KCND2: variants seen among roughly 807,000 people sequenced by gnomAD.
KCND2 encodes the protein A-type voltage-gated potassium channel KCND2.
KCND2 carries 16 observed loss-of-function variants against 54.4 expected under a neutral mutation model. That is an observed-to-expected ratio of 0.29 (90% CI 0.20 to 0.45). KCND2 has a LOEUF of 0.45. KCND2 is among the 20% of genes least tolerant of loss of function. KCND2 has a pLI of 1.00. For synonymous variants in KCND2, 317 were observed against 310.7 expected (o/e 1.02, Z -0.21); for missense variants, 486 against 824.2 (o/e 0.59, Z 5.02).
intron 1 of KCND2, among the ~76,000 whole-genome samples, chr7:120,525,452 A>G (rs909803790): frequency 6.6e-6 from 1 of 152,168 alleles, no homozygotes; most frequent in Non-Finnish European, 1.5e-5. Flanking sequence ...TCAGAATGCT[A>G]TGGCTGTGTA....
chr7:120,323,553 G>T (rs910603629), intron 1 of KCND2, among the ~76,000 whole-genome samples: 1 of 150,406 alleles, frequency 6.6e-6, no homozygotes, highest in South Asian at 2.1e-4. Context: ...GTGGTGTTTG[G>T]TTTTTTGTCC....
intron 1 of KCND2, among the ~76,000 whole-genome samples, chr7:120,667,086 T>A (rs746589514): frequency 1.3e-5 from 2 of 152,172 alleles, no homozygotes; most frequent in Admixed American, 6.5e-5. Context: ...TGAACTTCAA[T>A]CAACAATCAC....
chr7:120,465,046 G>A (rs954213575), intron 1 of KCND2, among the ~76,000 whole-genome samples: 1 of 152,034 alleles, frequency 6.6e-6, no homozygotes, highest in African/African-American at 2.4e-5. Flanking sequence ...TAACACCAGC[G>A]GCAAAGGTCA....
At chr7:120,378,457 G>A (rs1351491039) in intron 1 of KCND2, among the ~76,000 whole-genome samples, 2 of 151,864 alleles carry the variant, frequency 1.3e-5, no homozygotes, top group Non-Finnish European at 2.9e-5. Context: ...AATATTTGGT[G>A]GGAGTTAGGA....
At chr7:120,509,649 T>A (rs2116329185) in intron 1 of KCND2, among the ~76,000 whole-genome samples, 1 of 152,164 alleles carries the variant, frequency 6.6e-6, no homozygotes, top group East Asian at 1.9e-4. Flanking sequence ...TTTATTTTAT[T>A]TGTACATGGA....
At chr7:120,646,424 G>A (rs1019924124) in intron 1 of KCND2, among the ~76,000 whole-genome samples, 2 of 152,050 alleles carry the variant, frequency 1.3e-5, no homozygotes, top group African/African-American at 2.4e-5. Flanking sequence ...TTCTGTTAGT[G>A]ATTTTATTGA....
At chr7:120,733,636 C>A (rs149780243) in intron 2 of KCND2, among the ~76,000 whole-genome samples, 1 of 152,072 alleles carries the variant, frequency 6.6e-6, no homozygotes, top group Admixed American at 6.6e-5. Context: ...TTCCAGTAGA[C>A]GAGGGTTATT....
intron 1 of KCND2, among the ~76,000 whole-genome samples, chr7:120,580,497 C>G (rs1003841051): frequency 1.3e-5 from 2 of 152,120 alleles, no homozygotes; most frequent in African/African-American, 4.8e-5. Flanking sequence ...ACTGGCAGAA[C>G]CCACCAATCA....
chr7:120,590,230 G>A (rs188657463), intron 1 of KCND2, among the ~76,000 whole-genome samples: 8 of 152,166 alleles, frequency 5.3e-5, no homozygotes, highest in Non-Finnish European at 1.0e-4. Flanking sequence ...TATTGGCCCC[G>A]CTGGTCTCGA....
At chr7:120,578,741 C>G (rs1001046563) in intron 1 of KCND2, among the ~76,000 whole-genome samples, 1 of 151,976 alleles carries the variant, frequency 6.6e-6, no homozygotes, top group Admixed American at 6.6e-5. Context: ...TGGTGTGCAC[C>G]TGTAACCCAG....
In KCND2 at chr7:120,515,751, A is replaced by C. The variant is rs562368867; in HGVS notation, c.1116-217152A>C. ...GGAGCTAATAGATGCTGTGAAGGTGACAAGCATGTGGTGATGCCGAGGTGA... is the reference window on the plus strand; with the variant it reads ...GGAGCTAATAGATGCTGTGAAGGTGCCAAGCATGTGGTGATGCCGAGGTGA... On this transcript the variant is annotated intron_variant, in intron 1 of 5. Coordinates refer to ENST00000331113, the MANE Select transcript of KCND2 (RefSeq NM_012281.3). Among the ~76,000 whole-genome samples, 33 of 152,254 alleles carry C rather than the reference A, an allele frequency of 2.2e-4. No homozygotes were observed. In the South Asian group the frequency reaches 6.6e-3, roughly 31 times the overall value.
rs1361445813 is a variant in KCND2 at position 120,732,913 on chromosome 7, A to T, written c.1126A>T (p.Met376Leu). 1 of 1,613,348 alleles carries T rather than the reference A, an allele frequency of 6.2e-7. No individual in the cohort carries two copies. Among genetic ancestry groups the T allele is most frequent in the African/African-American group, 1.3e-5 (1 of 74,982 alleles). The part of the protein sequence containing the change: ...VTMTTLGYGD[M>L]VPKTIAGKIF... Reference sequence around the variant, plus strand: ...TTTTCTTTAACTCAGGTATGGTGACATGGTGCCAAAAACCATAGCAGGGAA... The same window carrying T: ...TTTTCTTTAACTCAGGTATGGTGACTTGGTGCCAAAAACCATAGCAGGGAA... Residue 376 changes from methionine (M) to leucine (L), a missense_variant, in exon 2 of 6, where the codon ATG becomes TTG. Physicochemically the swap from Met to Leu is conservative, Grantham distance 15. Transcript: ENST00000331113.
chr7:120,667,460 G>A (rs544999256), intron 1 of KCND2, among the ~76,000 whole-genome samples: 1 of 151,978 alleles, frequency 6.6e-6, no homozygotes, highest in African/African-American at 2.4e-5. Flanking sequence ...ATAAAAGAAA[G>A]AAGAAAAATA....
chr7:120,317,334 T>A (rs1799827459), intron 1 of KCND2, among the ~76,000 whole-genome samples: 2 of 152,168 alleles, frequency 1.3e-5, no homozygotes, highest in Admixed American at 1.3e-4. Context: ...AATTAGGTAA[T>A]TTTTGTATTA....
intron 1 of KCND2, among the ~76,000 whole-genome samples, chr7:120,671,404 T>C (rs1463983728): frequency 6.6e-6 from 1 of 152,054 alleles, no homozygotes; most frequent in Non-Finnish European, 1.5e-5. Context: ...CCTCCCCTGC[T>C]ATGTAGCCTG....
chr7:120,692,127 G>A (rs1468230244), intron 1 of KCND2, among the ~76,000 whole-genome samples: 1 of 152,210 alleles, frequency 6.6e-6, no homozygotes, highest in East Asian at 1.9e-4. Context: ...TTCAAGGAAT[G>A]TGCTGTAAAG....
At chr7:120,303,654 A>G (rs1411975917) in intron 1 of KCND2, among the ~76,000 whole-genome samples, 4 of 152,182 alleles carry the variant, frequency 2.6e-5, no homozygotes, top group African/African-American at 9.7e-5. Flanking sequence ...ACTATTCTCA[A>G]GAATGTTCAT....
chr7:120,687,756 A>G (rs1466897234), intron 1 of KCND2, among the ~76,000 whole-genome samples: 1 of 152,232 alleles, frequency 6.6e-6, no homozygotes, highest in African/African-American at 2.4e-5. Flanking sequence ...ATAAAACATA[A>G]TACTAATCAA....
At chr7:120,452,569 G>A (rs1031332265) in intron 1 of KCND2, among the ~76,000 whole-genome samples, 1 of 152,158 alleles carries the variant, frequency 6.6e-6, no homozygotes, top group Non-Finnish European at 1.5e-5. Flanking sequence ...CCTGTTCCTG[G>A]CCTCCAGCAA....
Sources: gnomAD v4.1 joint callset for allele counts (sites outside exome capture counted in the v4.1 genomes callset) on GRCh38, gnomAD v4.1.1 for gene constraint, MANE v1.5 for transcripts, NCBI Gene and HGNC (gene_info 2026-07-23, HGNC 2026-07-21) for gene names.